The following DOCK8 variants were observed in gnomAD, a reference collection of about 807,000 sequenced individuals.
The protein encoded by DOCK8 is dedicator of cytokinesis 8.
DOCK8 carries 141 observed loss-of-function variants against 245.6 expected under a neutral mutation model. The observed-to-expected ratio is 0.57, with a 90% CI of 0.50 to 0.66. The LOEUF (loss-of-function observed/expected upper bound fraction) is 0.66, where lower values mean the gene tolerates loss of function less well. Ranked by LOEUF, DOCK8 falls within the 30% of genes least tolerant of loss-of-function variation. The pLI, the probability that DOCK8 is intolerant of heterozygous loss-of-function variation, is 0.00. For synonymous variants in DOCK8, 1,168 were observed against 970.2 expected, an observed-to-expected ratio of 1.20 and a Z score of -3.79; for missense variants, 2,965 against 2,603.4, an observed-to-expected ratio of 1.14 and a Z score of -3.02.
chr9:415,076 G>A, intron 29 of DOCK8, 125 bp downstream of exon 29: 1 of 1,387,066 alleles, frequency 7.2e-7, no homozygotes, highest in Non-Finnish European at 1.0e-6. Flanking sequence ...TCACAAAAAT[G>A]GTCTCCAAAC....
rs1470144770 is a variant in DOCK8 at position 336,596 on chromosome 9, G to A, written c.1300G>A (p.Gly434Ser). 6.2e-7 allele frequency: 1 copy of A among 1,614,170 alleles called. No individual in the cohort carries two copies. Among genetic ancestry groups the A allele is most frequent in the Non-Finnish European group, 8.5e-7 (1 of 1,180,024 alleles). Residue 434 changes from glycine (G) to serine (S), a missense_variant, in exon 12 of 48, where the codon GGT becomes AGT. Transcript: ENST00000432829. ...TTTTCTTAAAGGGAGAAGCTCAGTGGGTGAACGGAGGACATTGGCCCAATC... is the reference window on the plus strand; with the variant it reads ...TTTTCTTAAAGGGAGAAGCTCAGTGAGTGAACGGAGGACATTGGCCCAATC... The part of the protein sequence containing the change: ...VDSVVGRSSV[G>S]ERRTLAQSRR...
chr9:314,348 G>C (rs1160933023), intron 6 of DOCK8: 1 of 152,238 alleles, frequency 6.6e-6, no homozygotes, highest in Non-Finnish European at 1.5e-5. Flanking sequence ...TGCCAGAAGA[G>C]AGAGAACAAT....
chr9:463,980 T>C (rs781298053), intron 47 of DOCK8, among the ~76,000 whole-genome samples, 179 bp from the exon 48 acceptor site: 7 of 152,240 alleles, frequency 4.6e-5, no homozygotes, highest in African/African-American at 7.2e-5. Context: ...TTTGTATGTT[T>C]GTTTTGGCAC....
At chr9:291,282 C>T (rs1339624013) in intron 4 of DOCK8, among the ~76,000 whole-genome samples, 2 of 151,962 alleles carry the variant, frequency 1.3e-5, no homozygotes, top group African/African-American at 4.8e-5. Context: ...CTTGATCTTG[C>T]ACAAATGTAA....
chr9:304,492 C>T, intron 4 of DOCK8, 89 bp from the exon 5 acceptor site: 1 of 1,552,986 alleles, frequency 6.4e-7, no homozygotes, highest in South Asian at 1.1e-5. Flanking sequence ...ACCATGTCTA[C>T]ACTTAAGCCA....
intron 1 of DOCK8, among the ~76,000 whole-genome samples, chr9:232,169 T>C (rs1203085240): frequency 6.6e-6 from 1 of 152,194 alleles, no homozygotes; most frequent in African/African-American, 2.4e-5. Context: ...GGTTTTTGCC[T>C]TTGGTTCTGT....
At chr9:342,570 A>G (rs1054936273) in intron 14 of DOCK8, among the ~76,000 whole-genome samples, 4 of 151,938 alleles carry the variant, frequency 2.6e-5, no homozygotes, top group African/African-American at 9.7e-5. Flanking sequence ...CACAGGTTCA[A>G]ACGATTCTCC....
intron 43 of DOCK8, 35 bp downstream of exon 43, chr9:443,551 T>C (rs376541949): frequency 1.3e-6 from 2 of 1,529,876 alleles, no homozygotes; most frequent in Non-Finnish European, 1.8e-6. Flanking sequence ...ACCATCAAGC[T>C]CTAAATCCCT....
intron 20 of DOCK8, among the ~76,000 whole-genome samples, chr9:379,339 A>C (rs2053644100): frequency 6.6e-6 from 1 of 152,126 alleles, no homozygotes; most frequent in Admixed American, 6.5e-5. Flanking sequence ...CATAGTGTCC[A>C]CAACAGTCAC....
In DOCK8 at chr9:340,354, G is replaced by T. The variant is rs753783863; in HGVS notation, c.1679+33G>T. The T allele has an allele frequency of 5.0e-6, 8 of 1,612,964 alleles. No homozygotes were observed. In the African/African-American group the frequency reaches 1.1e-4, roughly 22 times the overall value. On this transcript the variant is annotated intron_variant, in intron 14 of 47. Transcript: ENST00000432829. ...ACACAGGCTCGGGCTGGGCGTGGTG[G>T]CTTACACCATAATCCCATAACTTTG...
chr9:340,194 A>T lies in DOCK8; in HGVS notation c.1552A>T (p.Ile518Phe). Reference protein sequence around the residue: ...LRLEISTAPEIINCCLTPEML... With the variant: ...LRLEISTAPEFINCCLTPEML... Reference sequence around the variant, plus strand: ...ACTGGAGATTTCTACAGCTCCAGAGATCATCAATTGCTGTCTGACTCCTGA... The same window carrying T: ...ACTGGAGATTTCTACAGCTCCAGAGTTCATCAATTGCTGTCTGACTCCTGA... Residue 518 changes from isoleucine (I) to phenylalanine (F), a missense_variant, in exon 14 of 48, where the codon ATC (isoleucine) becomes TTC (phenylalanine). Physicochemically the swap from Ile to Phe is conservative, Grantham distance 21. Around this residue, in one of 3 missense-constraint regions of DOCK8, gnomAD observed 2,825 missense variants for 2,453.5 expected, o/e 1.15. Transcript: ENST00000432829. The T allele has an allele frequency of 6.2e-7, 1 of 1,614,120 alleles. No homozygotes were observed. Among genetic ancestry groups the T allele is most frequent in the Non-Finnish European group, 8.5e-7 (1 of 1,180,008 alleles).
rs183344067 is a variant in DOCK8, at chr9:451,032, G to A, written c.5962-979G>A. Among the ~76,000 whole-genome samples, 158 of 152,154 alleles carry A rather than the reference G, an allele frequency of 1.0e-3. 1 individual carries two copies. Among genetic ancestry groups the A allele is most frequent in the African/African-American group, 3.5e-3 (147 of 41,484 alleles). ...TTTGATTGATAAAATAATATTCGGC[G>A]CCAGGCTCAGTGGCTCATGCCTATA... On this transcript the variant is annotated intron_variant, in intron 45 of 47. Transcript: ENST00000432829.
intron 14 of DOCK8, among the ~76,000 whole-genome samples, chr9:342,093 T>TA (rs1393658215): frequency 1.3e-5 from 2 of 152,088 alleles, no homozygotes; most frequent in African/African-American, 4.8e-5. Context: ...AATGTAATAA[T>TA]AATAGAAATA....
At chr9:277,086 G>C (rs2048375692) in intron 2 of DOCK8, 1 of 202,684 alleles carries the variant, frequency 4.9e-6, no homozygotes, top group Non-Finnish European at 1.1e-5. Flanking sequence ...TGGGATTACA[G>C]GTATGAGTCA....
At chr9:247,465 T>C (rs561981811) in intron 1 of DOCK8, among the ~76,000 whole-genome samples, 1 of 152,212 alleles carries the variant, frequency 6.6e-6, no homozygotes. Flanking sequence ...CTAGTTTTTT[T>C]TAAAATAATG....
intron 1 of DOCK8, among the ~76,000 whole-genome samples, chr9:255,844 GAGAAAAATACCTCTTCCCCTCAAAATT>G (rs1425202721): frequency 1.3e-5 from 2 of 151,868 alleles, no homozygotes; most frequent in Admixed American, 1.3e-4. Flanking sequence ...ATTGCACATA[GAGAAAAATACCTCTTCCCCTCAAAATT>G]AGAAGGGTTG....
intron 5 of DOCK8, among the ~76,000 whole-genome samples, chr9:310,254 T>G (rs1435437258): frequency 2.4e-5 from 3 of 126,578 alleles, no homozygotes; most frequent in East Asian, 4.4e-4. Flanking sequence ...CCAAAAAATG[T>G]GAAACTCCGT....
Position 235,870 on chromosome 9 carries a change from C to A in DOCK8, c.53+20841C>A, listed in dbSNP as rs1009595388. On this transcript the variant is annotated intron_variant, in intron 1 of 47. Transcript: ENST00000432829. ...ACTTCCCGGGTGAGGTGATGCCTTG[C>A]CCTGCTTCGGCTCACGCATGTTGCG... 2.6e-5 allele frequency among the ~76,000 whole-genome samples: 4 copies of A among 152,218 alleles called. No individual in the cohort carries two copies. The East Asian group carries it at 7.7e-4, about 29-fold the overall frequency.
At chr9:280,017 A>G (rs982612044) in intron 2 of DOCK8, among the ~76,000 whole-genome samples, 7 of 152,222 alleles carry the variant, frequency 4.6e-5, no homozygotes, top group East Asian at 3.8e-4. Flanking sequence ...AGCTATGTAG[A>G]TTAATTTTCA....
Sources: gnomAD v4.1 joint callset for allele counts (sites outside exome capture counted in the v4.1 genomes callset) on GRCh38, gnomAD v4.1.1 for gene constraint, gnomAD v4.1.1 regional missense constraint, MANE v1.5 for transcripts, NCBI Gene and HGNC (gene_info 2026-07-23, HGNC 2026-07-21) for gene names.